EIF2B1: variants seen among roughly 807,000 people sequenced by gnomAD.
The protein encoded by EIF2B1 is eukaryotic translation initiation factor 2B subunit alpha, also known as translation initiation factor eIF2B subunit alpha.
A neutral mutation model predicts 36.8 loss-of-function variants in EIF2B1; 30 were observed. The ratio of observed to expected loss-of-function variants is 0.81; its 90% confidence interval spans 0.61 to 1.10. The LOEUF is 1.10. Ranked by LOEUF, EIF2B1 falls within the 50% of genes least tolerant of loss-of-function variation. EIF2B1 has a pLI of 0.00. For synonymous variants in EIF2B1, 139 were observed against 142.2 expected, an observed-to-expected ratio of 0.98 and a Z score of 0.16; for missense variants, 271 against 374.8, an observed-to-expected ratio of 0.72 and a Z score of 2.29.
chr12:123,622,304 C>T (rs565997121), intron 8 of EIF2B1, among the ~76,000 whole-genome samples: 3 of 152,252 alleles, frequency 2.0e-5, no homozygotes, highest in South Asian at 4.1e-4. Flanking sequence ...ACAAGAAAAC[C>T]GGTTCAGAGG....
Position 123,633,561 on chromosome 12 carries a change from G to A in EIF2B1, c.-4C>T, listed in dbSNP as rs759321782. ...TTGATTTACCCTTGTCGTCCATGGCGTCCTCCTGCTGCGGAGCCCCAGGGG... is the reference window on the plus strand; with the variant it reads ...TTGATTTACCCTTGTCGTCCATGGCATCCTCCTGCTGCGGAGCCCCAGGGG... On this transcript the variant is annotated 5_prime_UTR_variant, in exon 1 of 9. It adds an upstream start codon to the 5' untranslated region. Transcript: ENST00000424014. 8 of 1,611,910 alleles carry A rather than the reference G, an allele frequency of 5.0e-6. No individual in the cohort carries two copies. Among genetic ancestry groups the A allele is most frequent in the Admixed American group, 3.3e-5 (2 of 60,004 alleles).
intron 4 of EIF2B1, among the ~76,000 whole-genome samples, 191 bp from the exon 5 acceptor site, chr12:123,627,347 C>T (rs1182310005): frequency 1.3e-5 from 2 of 152,222 alleles, no homozygotes; most frequent in African/African-American, 4.8e-5. Flanking sequence ...TCTGCCAGGT[C>T]TCACATCCTG....
At chr12:123,623,054 CA>C (rs1161695464) in intron 7 of EIF2B1, among the ~76,000 whole-genome samples, 3 of 151,546 alleles carry the variant, frequency 2.0e-5, no homozygotes, top group Middle Eastern at 3.2e-3. Flanking sequence ...ACTTTGGAAT[CA>C]AAAAAATAAA....
rs764314885 is a variant in EIF2B1, at chr12:123,622,680, G to A, written c.709C>T (p.Arg237Trp). The A allele has an allele frequency of 5.0e-6, 8 of 1,614,038 alleles. No homozygotes were observed. Among genetic ancestry groups the A allele is most frequent in the Admixed American group, 3.3e-5 (2 of 60,006 alleles). ...YVVAESFKFVRLFPLNQQDVP... is the reference protein window; with the variant it reads ...YVVAESFKFVWLFPLNQQDVP... Reference sequence around the variant, plus strand: ...TCTTGCTGGTTTAGTGGAAAGAGCCGGACAAACTTGAAACTTTCTGCAACC... The same window carrying A: ...TCTTGCTGGTTTAGTGGAAAGAGCCAGACAAACTTGAAACTTTCTGCAACC... Residue 237 changes from arginine to tryptophan, a missense_variant, in exon 8 of 9, where the codon CGG becomes TGG. Transcript: ENST00000424014.
chr12:123,623,899 C>T (rs902282652), intron 7 of EIF2B1, among the ~76,000 whole-genome samples: 10 of 151,860 alleles, frequency 6.6e-5, no homozygotes, highest in African/African-American at 1.9e-4. Context: ...AATGACAGGC[C>T]GGCCACAGTG....
chr12:123,623,660 T>G (rs547645727), intron 7 of EIF2B1, among the ~76,000 whole-genome samples: 11 of 152,022 alleles, frequency 7.2e-5, no homozygotes, highest in African/African-American at 1.4e-4. Flanking sequence ...TTTTAGTAGA[T>G]ATGGGGTTTC....
At chr12:123,621,965 T>G in intron 8 of EIF2B1, 45 bp from the exon 9 acceptor site, 1 of 1,607,178 alleles carries the variant, frequency 6.2e-7, no homozygotes, top group African/African-American at 1.3e-5. Flanking sequence ...TATTTAGTGC[T>G]CTGACCTGGT....
chr12:123,633,591 G>C lies in EIF2B1; in HGVS notation c.-34C>G. 1 of 1,606,332 alleles carries C rather than the reference G, an allele frequency of 6.2e-7. No individual in the cohort carries two copies. The highest frequency in any genetic ancestry group is 8.5e-7 in the Non-Finnish European group (1 of 1,179,904). ...CCTGCTGCGGAGCCCCAGGGGACCC[G>C]AGCCGCCCGCGCTGTCTCGAACGGG... On this transcript the variant is annotated 5_prime_UTR_variant, in exon 1 of 9. Coordinates refer to ENST00000424014, the MANE Select transcript of EIF2B1 (RefSeq NM_001414.4).
At chr12:123,632,674 C>T (rs1232585963) in intron 1 of EIF2B1, among the ~76,000 whole-genome samples, 1 of 152,110 alleles carries the variant, frequency 6.6e-6, no homozygotes, top group African/African-American at 2.4e-5. Flanking sequence ...TGGCCGGGCG[C>T]GGTGGCTCAC....
chr12:123,627,221 T>C, intron 4 of EIF2B1, 65 bp from the exon 5 acceptor site: 1 of 1,258,058 alleles, frequency 7.9e-7, no homozygotes, highest in Non-Finnish European at 1.2e-6. Flanking sequence ...CCCTCTGCAC[T>C]GCGGCACGTG....
At chr12:123,623,335 A>G (rs145305965) in intron 7 of EIF2B1, among the ~76,000 whole-genome samples, 44 of 152,226 alleles carry the variant, frequency 2.9e-4, no homozygotes, top group African/African-American at 7.2e-4. Flanking sequence ...GCAGTGAGCC[A>G]AGACTGTGCC....
intron 1 of EIF2B1, 21 bp downstream of exon 1, chr12:123,633,523 GC>G (rs754338800): frequency 1.2e-6 from 2 of 1,613,770 alleles, no homozygotes; most frequent in Non-Finnish European, 1.7e-6. Context: ...TAGCCTAGCA[GC>G]CCTGGCCTGT....
rs1419397330 is a variant in EIF2B1 at position 123,621,221 on chromosome 12, C to T, written c.*535G>A. The T allele has an allele frequency of 2.0e-5, 4 of 195,844 alleles. No individual in the cohort carries two copies. Among genetic ancestry groups the T allele is most frequent in the Admixed American group, 5.3e-5 (1 of 18,742 alleles). The allele number at this position is 195,844 out of a possible 1,614,324, so 12.1% of individuals were successfully genotyped here. A position where few individuals can be genotyped will look rare whatever the true frequency, so the allele number is the denominator to read the frequency against. Reference sequence around the variant, plus strand: ...TGCTAAACATCGTTTCTGCCTTCCTCGTGTTCTCTTGGTAGTTTTTACTGT... The same window carrying T: ...TGCTAAACATCGTTTCTGCCTTCCTTGTGTTCTCTTGGTAGTTTTTACTGT... On this transcript the variant is annotated 3_prime_UTR_variant, in exon 9 of 9. Coordinates refer to ENST00000424014, the MANE Select transcript of EIF2B1 (RefSeq NM_001414.4).
intron 1 of EIF2B1, 31 bp downstream of exon 1, chr12:123,633,514 A>G (rs867717946): frequency 1.9e-5 from 31 of 1,613,656 alleles, no homozygotes; most frequent in African/African-American, 2.7e-5. Flanking sequence ...GCGCTGCTGT[A>G]GCCTAGCAGC....
In EIF2B1 at chr12:123,632,413, T is replaced by G; in HGVS notation, c.47A>C (p.Glu16Ala). ...LIEYFKSQMK[E>A]DPDMASAVAA... ...CACTGCTGAGGCCATGTCAGGATCT[T>G]CTTTCATCTGAGACTTAAAGTATTC... Residue 16 changes from glutamate to alanine, a missense_variant, in exon 2 of 9, where the codon GAA (glutamate) becomes GCA (alanine). By Grantham distance (107) the Glu-to-Ala change is moderately radical. Coordinates refer to ENST00000424014, the MANE Select transcript of EIF2B1 (RefSeq NM_001414.4). 1 of 1,613,914 alleles carries G rather than the reference T, an allele frequency of 6.2e-7. No homozygotes were observed. The highest frequency in any genetic ancestry group is 1.6e-4 in the Middle Eastern group (1 of 6,062).
At position 123,621,665 on chromosome 12, in the gene EIF2B1, TCA is replaced by T. The variant is rs1223749190; in HGVS notation, c.*89_*90del. On this transcript the variant is annotated 3_prime_UTR_variant, in exon 9 of 9. Coordinates refer to ENST00000424014, the MANE Select transcript of EIF2B1 (RefSeq NM_001414.4). The stretch of plus-strand genomic sequence containing the variant: ...TCCATAAATCTTCATTAAACACATC[TCA>T]GTTTTGGCCTGACTCACTGGGGTGT... The T allele has an allele frequency of 6.6e-7, 1 of 1,524,042 alleles. No individual in the cohort carries two copies. The highest frequency in any genetic ancestry group is 2.2e-5 in the East Asian group (1 of 44,468). The allele number at this position is 1,524,042 out of a possible 1,614,324, so 94.4% of individuals were successfully genotyped here. A position where few individuals can be genotyped will look rare whatever the true frequency, so the allele number is the denominator to read the frequency against.
In EIF2B1 at chr12:123,627,198, C is replaced by G. The variant is rs765448419; in HGVS notation, c.370-42G>C. ...CTTTGTCAAAGGGGCAGGCTCCTTG[C>G]TGCTCACTCACACCCTCTGCACTGC... is the stretch of plus-strand genomic sequence containing the variant. On this transcript the variant is annotated intron_variant, in intron 4 of 8. Coordinates refer to ENST00000424014, the MANE Select transcript of EIF2B1 (RefSeq NM_001414.4). 4 of 1,488,784 alleles carry G rather than the reference C, an allele frequency of 2.7e-6. No homozygotes were observed. The Admixed American group carries it at 6.7e-5, about 25-fold the overall frequency. The allele number at this position is 1,488,784 out of a possible 1,614,324, so 92.2% of individuals were successfully genotyped here.
At chr12:123,626,867 C>T (rs910914347) in intron 5 of EIF2B1, 177 bp downstream of exon 5, 49 of 717,166 alleles carry the variant, frequency 6.8e-5, no homozygotes, top group Non-Finnish European at 9.8e-5. Flanking sequence ...TCATATACTG[C>T]GGCCTGCTGC....
Position 123,622,775 on chromosome 12 carries a change from A to C in EIF2B1, c.628-14T>G. ...GTTGGTTCCAATCTGGGAAGGCAGA[A>C]AATGGAATGGATGAGCTCTAGAGTG... On this transcript the variant is annotated splice_polypyrimidine_tract_variant and intron_variant, in intron 7 of 8. Coordinates refer to ENST00000424014, the MANE Select transcript of EIF2B1 (RefSeq NM_001414.4). 6.2e-7 allele frequency: 1 copy of C among 1,613,526 alleles called. No homozygotes were observed. The highest frequency in any genetic ancestry group is 8.5e-7 in the Non-Finnish European group (1 of 1,179,612).
Sources: gnomAD v4.1 joint callset for allele counts (sites outside exome capture counted in the v4.1 genomes callset) on GRCh38, gnomAD v4.1.1 for gene constraint, MANE v1.5 for transcripts, NCBI Gene and HGNC (gene_info 2026-07-23, HGNC 2026-07-21) for gene names.